The following SCN10A variants were observed in gnomAD, a reference collection of about 807,000 sequenced individuals.
SCN10A encodes sodium channel protein type 10 subunit alpha.
In SCN10A, 162 loss-of-function variants were observed where a neutral mutation model predicts 170.7. The ratio of observed to expected loss-of-function variants is 0.95; its 90% confidence interval spans 0.84 to 1.08. The LOEUF (loss-of-function observed/expected upper bound fraction) is 1.08. SCN10A is among the 50% of genes least tolerant of loss of function. The pLI is 0.00. For synonymous variants in SCN10A, 985 were observed against 904.6 expected (o/e 1.09, Z -1.59); for missense variants, 2,527 against 2,436.9 (o/e 1.04, Z -0.78).
chr3:38,741,048 T>G (rs986154102), intron 14 of SCN10A, among the ~76,000 whole-genome samples: 1 of 152,194 alleles, frequency 6.6e-6, no homozygotes, highest in African/African-American at 2.4e-5. Context: ...CAGAACCTAC[T>G]GCTGCCCCTT....
At chr3:38,747,336 G>T (rs1280908726) in intron 13 of SCN10A, among the ~76,000 whole-genome samples, 1 of 152,132 alleles carries the variant, frequency 6.6e-6, no homozygotes, top group Non-Finnish European at 1.5e-5. Flanking sequence ...GCATGCACTT[G>T]TCTTCTGGGT....
chr3:38,777,037 T>C (rs774161475), intron 4 of SCN10A, among the ~76,000 whole-genome samples: 1 of 151,958 alleles, frequency 6.6e-6, no homozygotes, highest in African/African-American at 2.4e-5. Context: ...ATATAAAAAG[T>C]AATTATGAGA....
At chr3:38,762,794 T>C (rs1299041823) in intron 6 of SCN10A, among the ~76,000 whole-genome samples, 19 of 152,152 alleles carry the variant, frequency 1.2e-4, no homozygotes. Flanking sequence ...CACTCTAGAA[T>C]GGGTGTTTCT....
chr3:38,755,151 T>A (rs1318993440), intron 11 of SCN10A, among the ~76,000 whole-genome samples: 1 of 152,018 alleles, frequency 6.6e-6, no homozygotes, highest in Non-Finnish European at 1.5e-5. Context: ...TGGAAACTTT[T>A]CTGATAACAA....
At chr3:38,702,221 C>G in intron 26 of SCN10A, 112 bp from the exon 27 acceptor site, 2 of 1,145,394 alleles carry the variant, frequency 1.7e-6, no homozygotes, top group Non-Finnish European at 2.4e-6. Context: ...TTAACAGAAG[C>G]GAAATACTAT....
rs1013101041 is a variant in SCN10A at position 38,712,560 on chromosome 3, A to C, written c.3805-115T>G. 2.9e-6 allele frequency: 3 copies of C among 1,032,768 alleles called. No individual in the cohort carries two copies. The African/African-American group carries it at 4.8e-5, about 17-fold the overall frequency. 64.0% of individuals were successfully genotyped at this position (1,032,768 alleles called of 1,614,324 possible). A position where few individuals can be genotyped will look rare whatever the true frequency, so the allele number is the denominator to read the frequency against. On this transcript the variant is annotated intron_variant, in intron 22 of 27. Transcript: ENST00000449082. ...TCATGAGCCAGTGGCCTTTGGAAGA[A>C]GCAAGAGAAGTGGGTTAATTAGTGC... is the stretch of plus-strand genomic sequence containing the variant.
intron 4 of SCN10A, among the ~76,000 whole-genome samples, chr3:38,775,717 G>A (rs2064064759): frequency 6.6e-6 from 1 of 152,104 alleles, no homozygotes; most frequent in Non-Finnish European, 1.5e-5. Context: ...AAAATAAAAT[G>A]TCTGCTCGTA....
intron 4 of SCN10A, among the ~76,000 whole-genome samples, chr3:38,772,745 A>AC (rs1388829407): frequency 1.3e-5 from 2 of 151,246 alleles, no homozygotes; most frequent in African/African-American, 4.9e-5. Context: ...ACAAAAAAAA[A>AC]AAAACCTGTA....
At chr3:38,799,733 A>C (rs1193033970) in intron 1 of SCN10A, among the ~76,000 whole-genome samples, 1 of 152,078 alleles carries the variant, frequency 6.6e-6, no homozygotes, top group Non-Finnish European at 1.5e-5. Context: ...TTTTTCTTTA[A>C]AAAAATCATA....
Position 38,698,237 on chromosome 3 carries a change from G to A in SCN10A, c.4983C>T (p.Ala1661=), listed in dbSNP as rs775273379. 4.0e-5 allele frequency: 65 copies of A among 1,614,022 alleles called. No individual in the cohort carries two copies. The Middle Eastern group carries it at 9.9e-4, about 24-fold the overall frequency. ...TGGGGCTGAGGAGGCCATCCCAGCC[G>A]GCCGACGTGGTAATCTGGAAGAGGC... ...MLCLFQITTS[A]GWDGLLSPIL... is the part of the protein sequence containing the mutation. Residue 1661 remains alanine (A), a synonymous_variant, in exon 28 of 28, where the codon GCC becomes GCT. Transcript: ENST00000449082.
chr3:38,758,737 C>A (rs550453096), intron 8 of SCN10A, among the ~76,000 whole-genome samples: 5 of 151,954 alleles, frequency 3.3e-5, no homozygotes, highest in Non-Finnish European at 7.4e-5. Context: ...CTGAGCTGGC[C>A]TCTCTCTGCC....
Position 38,743,521 on chromosome 3 carries a change from C to A in SCN10A, c.1868-992G>T, listed in dbSNP as rs183006080. Among the ~76,000 whole-genome samples, 4 of 152,294 alleles carry A rather than the reference C, an allele frequency of 2.6e-5. No homozygotes were observed. In the East Asian group the frequency reaches 7.7e-4, roughly 29 times the overall value. Reference sequence around the variant, plus strand: ...CACTTAACCTTCTACAGCTCCTTACCTCTTTTTTTCTCTGCAGCCCCTGGA... The same window carrying A: ...CACTTAACCTTCTACAGCTCCTTACATCTTTTTTTCTCTGCAGCCCCTGGA... On this transcript the variant is annotated intron_variant, in intron 13 of 27. Transcript: ENST00000449082.
intron 1 of SCN10A, among the ~76,000 whole-genome samples, chr3:38,805,246 C>A (rs980710510): frequency 6.6e-6 from 1 of 152,080 alleles, no homozygotes; most frequent in African/African-American, 2.4e-5. Flanking sequence ...CCTTTCATAG[C>A]ACTGGGTGAA....
intron 27 of SCN10A, among the ~76,000 whole-genome samples, chr3:38,700,676 G>A (rs762843583): frequency 3.9e-5 from 6 of 152,138 alleles, no homozygotes; most frequent in South Asian, 2.1e-4. Flanking sequence ...TGAAATCCCC[G>A]GAAATACACG....
chr3:38,712,350 C>G lies in SCN10A; in HGVS notation c.3900G>C (p.Val1300=). Residue 1300 remains valine, a synonymous_variant, in exon 23 of 28, where the codon GTG becomes GTC. Transcript: ENST00000449082. ...TCCAAAACTTCCCTGCGAAGAGGTT[C>G]ACACCCATGATGCTGAAGATGAGCC... ...IFWLIFSIMG[V]NLFAGKFWRC... 1.2e-6 allele frequency: 2 copies of G among 1,614,172 alleles called. No homozygotes were observed. The highest frequency in any genetic ancestry group is 1.7e-6 in the Non-Finnish European group (2 of 1,180,028).
Position 38,718,824 on chromosome 3 carries a change from G to T in SCN10A, c.3510C>A (p.Ala1170=), listed in dbSNP as rs267599800. ...TCTGGTCCAGGTAATAGTCTTCAAA[G>T]GCCTGGAAGGAAGAAAGGATGCAGA... is the stretch of plus-strand genomic sequence containing the variant. The part of the protein sequence containing the change: ...FMILLSSGSL[A]FEDYYLDQKP... Residue 1170 remains alanine, a splice_region_variant and synonymous_variant, in exon 21 of 28, where the codon GCC becomes GCA. Transcript: ENST00000449082. The T allele has an allele frequency of 6.2e-7, 1 of 1,613,730 alleles. No homozygotes were observed. Among genetic ancestry groups the T allele is most frequent in the Non-Finnish European group, 8.5e-7 (1 of 1,179,862 alleles).
chr3:38,744,310 T>C (rs2063664133), intron 13 of SCN10A, among the ~76,000 whole-genome samples: 1 of 151,794 alleles, frequency 6.6e-6, no homozygotes, highest in Non-Finnish European at 1.5e-5. Flanking sequence ...ACACTTGCAG[T>C]GTTTAGGGTT....
At chr3:38,710,781 G>A in intron 24 of SCN10A, 63 bp downstream of exon 24, 2 of 1,495,112 alleles carry the variant, frequency 1.3e-6, no homozygotes, top group Middle Eastern at 3.4e-4. Context: ...CATTTCAAAT[G>A]CAGACTGATA....
At chr3:38,794,839 C>A (rs1185389567) in intron 1 of SCN10A, among the ~76,000 whole-genome samples, 1 of 152,148 alleles carries the variant, frequency 6.6e-6, no homozygotes, top group Non-Finnish European at 1.5e-5. Flanking sequence ...TTGCAGTAAG[C>A]CAATGACCAT....
Sources: allele counts gnomAD v4.1 joint callset (sites outside exome capture counted in the v4.1 genomes callset), GRCh38; gene constraint gnomAD v4.1.1; transcripts MANE v1.5; gene names NCBI Gene and HGNC (gene_info 2026-07-23, HGNC 2026-07-21).